The following TYW1B variants were observed in gnomAD, a reference collection of about 807,000 sequenced individuals.
TYW1B encodes tRNA-yW synthesizing protein 1 homolog B.
A neutral mutation model predicts 86.9 loss-of-function variants in TYW1B; 73 were observed. The observed-to-expected ratio is 0.84, with a 90% CI of 0.70 to 1.02. The LOEUF is 1.02. TYW1B is among the 50% of genes least tolerant of loss of function. The pLI, the probability that TYW1B is intolerant of heterozygous loss-of-function variation, is 0.00. For synonymous variants in TYW1B, 248 were observed against 292.8 expected, an observed-to-expected ratio of 0.85 and a Z score of 1.56; for missense variants, 637 against 827.4, an observed-to-expected ratio of 0.77 and a Z score of 2.82.
At chr7:72,637,854 C>A (rs1180330557) in intron 11 of TYW1B, among the ~76,000 whole-genome samples, 7 of 150,942 alleles carry the variant, frequency 4.6e-5, no homozygotes, top group Non-Finnish European at 1.0e-4. Flanking sequence ...GAACAGACTT[C>A]TAGATTGGCA....
chr7:72,605,242 C>T (rs565339112), intron 13 of TYW1B, among the ~76,000 whole-genome samples: 1 of 152,120 alleles, frequency 6.6e-6, no homozygotes, highest in African/African-American at 2.4e-5. Context: ...GAGGCTATAT[C>T]ATGTTGTGAA....
chr7:72,784,545 T>A (rs1364186665), intron 6 of TYW1B, among the ~76,000 whole-genome samples: 2 of 152,240 alleles, frequency 1.3e-5, no homozygotes, highest in African/African-American at 4.8e-5. Flanking sequence ...TTGCCTAGGC[T>A]GGAGTACAGA....
At chr7:72,660,185 A>AT (rs1322400583) in intron 11 of TYW1B, among the ~76,000 whole-genome samples, 8 of 152,236 alleles carry the variant, frequency 5.3e-5, no homozygotes, top group Admixed American at 6.5e-5. Context: ...CCTGCACAAC[A>AT]TAGCAAGACC....
At chr7:72,781,845 T>C (rs1358646827) in intron 6 of TYW1B, among the ~76,000 whole-genome samples, 1 of 152,208 alleles carries the variant, frequency 6.6e-6, no homozygotes, top group Non-Finnish European at 1.5e-5. Flanking sequence ...GAAAGTCAAT[T>C]ATGAGCTAAC....
chr7:72,646,264 TA>T (rs1812928230), intron 11 of TYW1B, among the ~76,000 whole-genome samples: 1 of 152,228 alleles, frequency 6.6e-6, no homozygotes, highest in East Asian at 1.9e-4. Context: ...GGTGTCGCTA[TA>T]TTGCCAGGCT....
chr7:72,696,168 G>A (rs1814315823), intron 10 of TYW1B, among the ~76,000 whole-genome samples: 1 of 151,990 alleles, frequency 6.6e-6, no homozygotes, highest in Non-Finnish European at 1.5e-5. Flanking sequence ...GGCTGGTCTT[G>A]AACTCCTGAC....
At chr7:72,619,208 G>T (rs574726346) in intron 12 of TYW1B, among the ~76,000 whole-genome samples, 4 of 152,222 alleles carry the variant, frequency 2.6e-5, no homozygotes, top group African/African-American at 9.6e-5. Context: ...TAGTCGACTT[G>T]CAATAAAAAA....
intron 10 of TYW1B, among the ~76,000 whole-genome samples, chr7:72,698,149 G>A (rs1814368115): frequency 6.6e-6 from 1 of 152,130 alleles, no homozygotes; most frequent in African/African-American, 2.4e-5. Flanking sequence ...AGCTCAGGAG[G>A]AAGAGAGGAG....
chr7:72,733,511 A>C (rs1248116326), intron 8 of TYW1B, among the ~76,000 whole-genome samples: 2 of 152,070 alleles, frequency 1.3e-5, no homozygotes, highest in Non-Finnish European at 2.9e-5. Context: ...AATACAAAAA[A>C]TTAGCCGGGC....
At chr7:72,617,523 C>A (rs868990150) in intron 12 of TYW1B, among the ~76,000 whole-genome samples, 2 of 150,784 alleles carry the variant, frequency 1.3e-5, no homozygotes, top group Admixed American at 1.3e-4. Flanking sequence ...CCTGCCACCA[C>A]GCCTGGCTAA....
At chr7:72,727,346 T>C (rs1787018734) in intron 9 of TYW1B, among the ~76,000 whole-genome samples, 1 of 152,146 alleles carries the variant, frequency 6.6e-6, no homozygotes, top group Non-Finnish European at 1.5e-5. Context: ...AAAAGAAGAA[T>C]ACAGGAGAGA....
At chr7:72,621,423 G>A (rs1486783371) in intron 12 of TYW1B, among the ~76,000 whole-genome samples, 4 of 152,122 alleles carry the variant, frequency 2.6e-5, no homozygotes, top group African/African-American at 7.2e-5. Flanking sequence ...ACCTGCCTCC[G>A]TAGCTTGCGC....
intron 11 of TYW1B, among the ~76,000 whole-genome samples, chr7:72,669,641 G>T (rs1312676980): frequency 6.6e-6 from 1 of 151,962 alleles, no homozygotes; most frequent in Non-Finnish European, 1.5e-5. Context: ...ATGGTGGCTT[G>T]TGCCTGTAGT....
At chr7:72,658,422 C>A (rs1336708855) in intron 11 of TYW1B, among the ~76,000 whole-genome samples, 1 of 152,080 alleles carries the variant, frequency 6.6e-6, no homozygotes, top group Non-Finnish European at 1.5e-5. Context: ...AAAGCACGAT[C>A]CAATTTGTAC....
intron 10 of TYW1B, among the ~76,000 whole-genome samples, chr7:72,712,221 C>T (rs1554454900): frequency 1.3e-5 from 2 of 152,046 alleles, no homozygotes; most frequent in East Asian, 1.9e-4. Flanking sequence ...CCCCATAATC[C>T]TAGCAATCAA....
chr7:72,596,040 G>A (rs148223061), intron 13 of TYW1B, among the ~76,000 whole-genome samples: 1,847 of 151,968 alleles, frequency 0.012, 36 homozygotes, highest in African/African-American at 0.041. Flanking sequence ...GATGGGCATG[G>A]TGGCAGGTGC....
At chr7:72,604,887 G>A (rs1302544148) in intron 13 of TYW1B, among the ~76,000 whole-genome samples, 1 of 152,050 alleles carries the variant, frequency 6.6e-6, no homozygotes, top group Non-Finnish European at 1.5e-5. Flanking sequence ...TTGTCTTTCC[G>A]CTGCTCAAAG....
Position 72,694,809 on chromosome 7 carries a change from C to CGG in TYW1B, c.1383_1384insCC (p.Val462ProfsTer17), listed in dbSNP as rs1554451150. On this transcript the variant is annotated frameshift_variant, in exon 11 of 14. Coordinates refer to ENST00000620995, the MANE Select transcript of TYW1B (RefSeq NM_001145440.3). LOFTEE classifies it high-confidence loss of function. ...TCCACACTGACATACAGCTGAGTAACTGGCTCGAGGTTCCTTAGTAATTTT... is the reference window on the plus strand; with the variant it reads ...TCCACACTGACATACAGCTGAGTAACGGTGGCTCGAGGTTCCTTAGTAATTTT... The CGG allele has an allele frequency of 6.3e-7, 1 of 1,594,372 alleles. No homozygotes were observed. Among genetic ancestry groups the CGG allele is most frequent in the East Asian group, 2.2e-5 (1 of 44,770 alleles).
chr7:72,581,916 C>T (rs1405720926), intron 13 of TYW1B, among the ~76,000 whole-genome samples: 10 of 151,098 alleles, frequency 6.6e-5, no homozygotes, highest in East Asian at 3.9e-4. Context: ...TACAGGCACA[C>T]GCCACCACGC....
Sources: gnomAD v4.1 joint callset for allele counts (sites outside exome capture counted in the v4.1 genomes callset) on GRCh38, gnomAD v4.1.1 for gene constraint, MANE v1.5 for transcripts, NCBI Gene and HGNC (gene_info 2026-07-23, HGNC 2026-07-21) for gene names.